Variants in NRXN2 observed in about 807,000 individuals in gnomAD.
The protein encoded by NRXN2 is neurexin 2.
In NRXN2, 29 loss-of-function variants were observed where a neutral mutation model predicts 128.8. The observed-to-expected ratio is 0.23, with a 90% CI of 0.17 to 0.31. The LOEUF (loss-of-function observed/expected upper bound fraction) is 0.31. NRXN2 is among the 10% of genes least tolerant of loss of function. The probability of loss-of-function intolerance (pLI) is 1.00; values close to 1 mark genes in which losing one functional copy is unlikely to be tolerated. For missense variants in NRXN2, 1,881 were observed against 2,452.6 expected (o/e 0.77, Z 4.92); for synonymous variants, 1,098 against 1,075.2 (o/e 1.02, Z -0.41).
chr11:64,684,908 G>T (rs954913707), intron 6 of NRXN2, among the ~76,000 whole-genome samples: 2 of 152,206 alleles, frequency 1.3e-5, no homozygotes, highest in African/African-American at 4.8e-5. Context: ...GAGCACCTGC[G>T]TGGGCTTGCC....
intron 19 of NRXN2, among the ~76,000 whole-genome samples, chr11:64,627,362 C>T (rs933992478): frequency 2.0e-5 from 3 of 151,864 alleles, no homozygotes; most frequent in Non-Finnish European, 2.9e-5. Context: ...ACCTCCTCTT[C>T]GGCCCCTTTC....
At chr11:64,655,841 C>G (rs1050785467) in intron 11 of NRXN2, among the ~76,000 whole-genome samples, 1 of 152,254 alleles carries the variant, frequency 6.6e-6, no homozygotes, top group African/African-American at 2.4e-5. Context: ...GAAACCCAGC[C>G]TCTTCAACAT....
At chr11:64,681,659 T>C (rs1259994569) in intron 6 of NRXN2, among the ~76,000 whole-genome samples, 1 of 152,230 alleles carries the variant, frequency 6.6e-6, no homozygotes, top group Non-Finnish European at 1.5e-5. Context: ...TTGTATAACT[T>C]GCCTAAAAGC....
intron 9 of NRXN2, among the ~76,000 whole-genome samples, chr11:64,665,587 C>A (rs1426898278): frequency 6.6e-6 from 1 of 152,262 alleles, no homozygotes; most frequent in East Asian, 1.9e-4. Context: ...AATGTAAAGC[C>A]CGGGGGAGGC....
chr11:64,678,789 C>T (rs2051730851), intron 6 of NRXN2, among the ~76,000 whole-genome samples: 2 of 151,880 alleles, frequency 1.3e-5, no homozygotes, highest in African/African-American at 4.8e-5. Context: ...ACTGCACCCC[C>T]GAGAGTGTGA....
chr11:64,639,474 G>A (rs2045325641), intron 17 of NRXN2, among the ~76,000 whole-genome samples: 1 of 152,136 alleles, frequency 6.6e-6, no homozygotes, highest in South Asian at 2.1e-4. Context: ...TCCATTCCTG[G>A]CCCGACAGTA....
intron 4 of NRXN2, 34 bp from the exon 5 acceptor site, chr11:64,690,510 G>T (rs376645512): frequency 1.3e-6 from 2 of 1,584,122 alleles, no homozygotes; most frequent in African/African-American, 2.7e-5. Flanking sequence ...CAGGCACAGG[G>T]GGTACCGAGC....
Position 64,635,326 on chromosome 11 carries a change from A to G in NRXN2, c.3530T>C (p.Val1177Ala). The change falls in exon 18 of 23, where the codon GTG (valine) becomes GCG (alanine). Residue 1177 changes from valine (V) to alanine (A), a missense_variant. By Grantham distance (64) the Val-to-Ala change is moderately conservative. Transcript: ENST00000265459. The surrounding 1 kb of genome is among the most constrained non-coding windows in gnomAD (Gnocchi z 4.8). ...VGFSTHQRSA[V>A]LVRVDSASGL... Reference sequence around the variant, plus strand: ...GGAGGCGCTGTCCACCCGCACCAGCACAGCGCTCCGCTGGTGGGTGCTGAA... The same window carrying G: ...GGAGGCGCTGTCCACCCGCACCAGCGCAGCGCTCCGCTGGTGGGTGCTGAA... 6.2e-7 allele frequency: 1 copy of G among 1,613,538 alleles called. No individual in the cohort carries two copies. Among genetic ancestry groups the G allele is most frequent in the Non-Finnish European group, 8.5e-7 (1 of 1,180,000 alleles).
intron 8 of NRXN2, 21 bp downstream of exon 8, chr11:64,668,422 C>A (rs776819006): frequency 1.9e-6 from 3 of 1,612,554 alleles, no homozygotes; most frequent in African/African-American, 1.3e-5. Context: ...CAGCCTGCAG[C>A]CCCTCCCTAG....
intron 12 of NRXN2, 130 bp downstream of exon 12, chr11:64,653,566 C>T (rs2047796077): frequency 2.2e-6 from 2 of 922,884 alleles, no homozygotes; most frequent in Non-Finnish European, 3.5e-6. Flanking sequence ...CCCCTCCCCA[C>T]ACTCAAGGCC....
At position 64,650,656 on chromosome 11, in the gene NRXN2, G is replaced by A. The variant is rs756219237; in HGVS notation, c.2919-18C>T. On this transcript the variant is annotated intron_variant, in intron 14 of 22. Transcript: ENST00000265459. ...GGATGTACCTGCCCCACAGTAGGGAGGAGACACTGGGTCAGGGCGGGGGTG... is the reference window on the plus strand; with the variant it reads ...GGATGTACCTGCCCCACAGTAGGGAAGAGACACTGGGTCAGGGCGGGGGTG... The A allele has an allele frequency of 1.9e-6, 3 of 1,613,038 alleles. No homozygotes were observed. Among genetic ancestry groups the A allele is most frequent in the Non-Finnish European group, 8.5e-7 (1 of 1,179,022 alleles).
At chr11:64,700,517 A>G (rs1031144592) in intron 2 of NRXN2, among the ~76,000 whole-genome samples, 3 of 152,186 alleles carry the variant, frequency 2.0e-5, no homozygotes, top group African/African-American at 7.2e-5. Context: ...CCTCACTGCA[A>G]CACAGAGCTC....
intron 15 of NRXN2, 68 bp downstream of exon 15, chr11:64,650,380 G>A: frequency 6.6e-7 from 1 of 1,525,058 alleles, no homozygotes; most frequent in Non-Finnish European, 9.1e-7. Context: ...CGCAGGAATG[G>A]GGTGATCTCG....
At chr11:64,676,698 A>C in intron 7 of NRXN2, 1 of 512,584 alleles carries the variant, frequency 2.0e-6, no homozygotes. Context: ...GCCTGCCCCC[A>C]GGTCTCTCTG....
At position 64,660,189 on chromosome 11, in the gene NRXN2, A is replaced by T; in HGVS notation, c.2389+143T>A. The T allele has an allele frequency of 1.2e-6, 1 of 855,282 alleles. No homozygotes were observed. Among genetic ancestry groups the T allele is most frequent in the Non-Finnish European group, 1.9e-6 (1 of 516,964 alleles). 53.0% of individuals were successfully genotyped at this position (855,282 alleles called of 1,614,324 possible). On this transcript the variant is annotated intron_variant, in intron 11 of 22. Coordinates refer to ENST00000265459, the MANE Select transcript of NRXN2 (RefSeq NM_015080.4). The surrounding 1 kb of genome is among the most constrained non-coding windows in gnomAD (Gnocchi z 5.2). Reference sequence around the variant, plus strand: ...AGGGACAGAGCTCTCAGGGTCTCTGACCCAGGCTGGCGCCTCCCCACCTCC... The same window carrying T: ...AGGGACAGAGCTCTCAGGGTCTCTGTCCCAGGCTGGCGCCTCCCCACCTCC...
At chr11:64,677,109 A>G (rs779337691) in intron 6 of NRXN2, 72 bp from the exon 7 acceptor site, 34 of 1,060,218 alleles carry the variant, frequency 3.2e-5, no homozygotes, top group Middle Eastern at 2.0e-4. Flanking sequence ...ACAACAAAAG[A>G]ACAGAATGAA....
Position 64,660,312 on chromosome 11 carries a change from G to A in NRXN2, c.2389+20C>T. 4 of 1,611,764 alleles carry A rather than the reference G, an allele frequency of 2.5e-6. No individual in the cohort carries two copies. Among genetic ancestry groups the A allele is most frequent in the South Asian group, 2.2e-5 (2 of 90,988 alleles). On this transcript the variant is annotated intron_variant, in intron 11 of 22. Coordinates refer to ENST00000265459, the MANE Select transcript of NRXN2 (RefSeq NM_015080.4). The surrounding 1 kb of genome is among the most constrained non-coding windows in gnomAD (Gnocchi z 5.2). ...ACAAGGCCAGGTGAGGGGTCAGGAA[G>A]CACAGGGCAGGGTGGTTACCGAGGT...
At chr11:64,660,000 T>C (rs981753704) in intron 11 of NRXN2, among the ~76,000 whole-genome samples, 13 of 152,328 alleles carry the variant, frequency 8.5e-5, no homozygotes, top group South Asian at 2.1e-4. Context: ...GGATGAGCCA[T>C]TGACCAAAAA....
At chr11:64,705,698 T>C (rs1169710887) in intron 2 of NRXN2, among the ~76,000 whole-genome samples, 1 of 151,940 alleles carries the variant, frequency 6.6e-6, no homozygotes, top group Non-Finnish European at 1.5e-5. Flanking sequence ...TCACCTGGAA[T>C]GTCAAGAGGC....
Sources: allele counts gnomAD v4.1 joint callset (sites outside exome capture counted in the v4.1 genomes callset), GRCh38; gene constraint gnomAD v4.1.1; non-coding constraint Gnocchi (gnomAD v3.1); transcripts MANE v1.5; gene names NCBI Gene and HGNC (gene_info 2026-07-23, HGNC 2026-07-21).